Variants in TEX36 observed in about 807,000 individuals in gnomAD.
TEX36 encodes testis expressed 36, also known as testis-expressed protein 36.
Under a neutral mutation model 13.6 loss-of-function variants are expected in TEX36, and 12 were observed. The ratio of observed to expected loss-of-function variants is 0.88; its 90% CI spans 0.56 to 1.43. The LOEUF (loss-of-function observed/expected upper bound fraction) is 1.43, where lower values mean the gene tolerates loss of function less well. Among genes scored for constraint, TEX36 ranks in the 40% most tolerant of loss-of-function variants. TEX36 has a pLI of 0.00. For missense variants in TEX36, 224 were observed against 228.3 expected (o/e 0.98, Z 0.12); for synonymous variants, 93 against 83.0 (o/e 1.12, Z -0.65).
intron 1 of TEX36, chr10:125,666,968 G>T (rs1005684105): frequency 9.6e-7 from 1 of 1,044,768 alleles, no homozygotes; most frequent in South Asian, 1.5e-5. Context: ...CCAGGCTGTT[G>T]GCCACGGCTC....
intron 3 of TEX36, among the ~76,000 whole-genome samples, chr10:125,585,504 G>A (rs1845934445): frequency 6.6e-6 from 1 of 152,100 alleles, no homozygotes; most frequent in Admixed American, 6.5e-5. Flanking sequence ...CCCCAAGGTG[G>A]ATCAAAGAAA....
intron 3 of TEX36, among the ~76,000 whole-genome samples, chr10:125,659,986 G>A (rs758463391): frequency 1.3e-5 from 2 of 152,254 alleles, no homozygotes; most frequent in African/African-American, 2.4e-5. Flanking sequence ...AGTTGTCTAC[G>A]TTGAGATGTT....
intron 3 of TEX36, among the ~76,000 whole-genome samples, chr10:125,614,091 G>T (rs1335530025): frequency 6.6e-6 from 1 of 152,218 alleles, no homozygotes; most frequent in African/African-American, 2.4e-5. Context: ...TTTGAGAAGT[G>T]TTTGTTCATG....
downstream of TEX36, among the ~76,000 whole-genome samples, chr10:125,619,371 C>G (rs1251953777): frequency 6.6e-6 from 1 of 151,920 alleles, no homozygotes; most frequent in African/African-American, 2.4e-5. Context: ...GTGCAGGCAC[C>G]ACCTCTGCAG....
chr10:125,617,187 C>T (rs373916239), downstream of TEX36, among the ~76,000 whole-genome samples: 9,425 of 149,898 alleles, frequency 0.063, 907 homozygotes, highest in African/African-American at 0.21. Context: ...TGTCTCTGCA[C>T]GTGAGATGGG....
chr10:125,626,716 G>A lies in TEX36; in HGVS notation c.265-5071C>T, dbSNP rs556961303. Among the ~76,000 whole-genome samples the A allele has an allele frequency of 2.4e-4, 36 of 152,214 alleles. No homozygotes were observed. The South Asian group carries it at 2.5e-3, about 11-fold the overall frequency. On this transcript the variant is annotated intron_variant, in intron 3 of 3. Coordinates refer to the TEX36 transcript ENST00000526819. ...GGGCTTTCTGGGGAGGTGGGAACTC[G>A]GAACCAGCAGCTGGAAGCAATGGGA... is the stretch of plus-strand genomic sequence containing the variant.
At chr10:125,657,726 C>G (rs1255242691) in intron 3 of TEX36, among the ~76,000 whole-genome samples, 1 of 152,156 alleles carries the variant, frequency 6.6e-6, no homozygotes, top group Non-Finnish European at 1.5e-5. Flanking sequence ...CATCTTTGAG[C>G]TCCCAGCTGA....
intron 1 of TEX36, among the ~76,000 whole-genome samples, chr10:125,671,868 T>G (rs983739021): frequency 1.1e-4 from 17 of 152,200 alleles, no homozygotes; most frequent in Non-Finnish European, 1.9e-4. Flanking sequence ...GGAGAATGCA[T>G]GTGTCCAGGA....
chr10:125,617,010 T>G (rs1297837219), downstream of TEX36, among the ~76,000 whole-genome samples: 1 of 152,268 alleles, frequency 6.6e-6, no homozygotes, highest in African/African-American at 2.4e-5. Context: ...TAGCTCTTCT[T>G]GTTGAATTGA....
chr10:125,594,750 G>C (rs1361997250), intron 3 of TEX36, among the ~76,000 whole-genome samples: 4 of 151,754 alleles, frequency 2.6e-5, no homozygotes, highest in Admixed American at 2.6e-4. Flanking sequence ...CATATGTTTG[G>C]GAAAAAAAGG....
intron 1 of TEX36, among the ~76,000 whole-genome samples, chr10:125,662,863 A>AG (rs1322313242): frequency 2.6e-5 from 4 of 152,178 alleles, no homozygotes; most frequent in Non-Finnish European, 5.9e-5. Flanking sequence ...TCATTCCTGA[A>AG]GGGGGGTGTG....
chr10:125,625,022 G>A (rs946435893), intron 3 of TEX36, among the ~76,000 whole-genome samples: 7 of 152,186 alleles, frequency 4.6e-5, no homozygotes, highest in African/African-American at 1.7e-4. Context: ...AGACATGCCA[G>A]ACAATTGAGA....
At chr10:125,606,644 T>C (rs1358319627) in intron 3 of TEX36, among the ~76,000 whole-genome samples, 1 of 152,206 alleles carries the variant, frequency 6.6e-6, no homozygotes, top group Non-Finnish European at 1.5e-5. Context: ...CTACAGGATA[T>C]GAAGAACAAT....
chr10:125,645,421 G>A (rs1195482338), intron 3 of TEX36, among the ~76,000 whole-genome samples: 1 of 152,096 alleles, frequency 6.6e-6, no homozygotes, highest in Non-Finnish European at 1.5e-5. Flanking sequence ...AGAAAGACCT[G>A]AGAGAGCACA....
At chr10:125,652,753 T>C (rs553440827), downstream of TEX36, among the ~76,000 whole-genome samples, 25 of 152,318 alleles carry the variant, frequency 1.6e-4, no homozygotes, top group Middle Eastern at 6.8e-3. Context: ...AAAGGGCTAA[T>C]ATCCAGATTC....
chr10:125,612,233 G>A lies in TEX36; in HGVS notation c.265-35359C>T, dbSNP rs907201540. On this transcript the variant is annotated intron_variant, in intron 3 of 3. Transcript: ENST00000532135. ...GGAGTAGCTGGGACTACAGGTGTGC[G>A]CCACCACACCCAGCTAATTTTTGTA... 2.1e-4 allele frequency among the ~76,000 whole-genome samples: 32 copies of A among 150,348 alleles called. 2 individuals are homozygous for A. The highest frequency in any genetic ancestry group is 6.6e-4 in the African/African-American group (27 of 41,030).
At chr10:125,676,225 C>T (rs1036432279) in intron 1 of TEX36, among the ~76,000 whole-genome samples, 13 of 152,146 alleles carry the variant, frequency 8.5e-5, no homozygotes, top group African/African-American at 3.1e-4. Flanking sequence ...TGAAGACTTC[C>T]ACTATTATTG....
At chr10:125,599,320 C>G (rs376655260) in intron 3 of TEX36, among the ~76,000 whole-genome samples, 1 of 152,188 alleles carries the variant, frequency 6.6e-6, no homozygotes, top group Non-Finnish European at 1.5e-5. Context: ...TCTTGGAACC[C>G]GCTGAGGACC....
In TEX36 at chr10:125,607,464, C is replaced by T. The variant is rs567364511; in HGVS notation, c.265-30590G>A. On this transcript the variant is annotated intron_variant, in intron 3 of 3. Coordinates refer to the TEX36 transcript ENST00000532135. ...TCAGAAGCTATTGTTAGTGTAAACA[C>T]GGTGATTCTCAGAACATCTCTAACC... Among the ~76,000 whole-genome samples the T allele has an allele frequency of 8.4e-4, 128 of 152,302 alleles. 1 individual carries two copies. Among genetic ancestry groups the T allele is most frequent in the Middle Eastern group, 3.4e-3 (1 of 294 alleles).
Sources: allele counts gnomAD v4.1 joint callset (sites outside exome capture counted in the v4.1 genomes callset), GRCh38; gene constraint gnomAD v4.1.1; transcripts MANE v1.5; gene names NCBI Gene and HGNC (gene_info 2026-07-23, HGNC 2026-07-21).